Variants in SOX30 observed in about 807,000 individuals in gnomAD.
The protein encoded by SOX30 is SRY-box transcription factor 30.
Under a neutral mutation model 58.6 loss-of-function variants are expected in SOX30, and 17 were observed. The observed-to-expected ratio is 0.29, with a 90% CI of 0.20 to 0.44. SOX30 has a LOEUF of 0.44. Among genes scored for constraint, SOX30 ranks in the 20% least tolerant of loss-of-function variants. The probability of loss-of-function intolerance (pLI) is 1.00; values close to 1 mark genes in which losing one functional copy is unlikely to be tolerated. For synonymous variants in SOX30, 421 were observed against 400.2 expected (o/e 1.05, Z -0.62); for missense variants, 951 against 965.8 (o/e 0.98, Z 0.20).
At position 157,638,517 on chromosome 5, in the gene SOX30, A is replaced by G; in HGVS notation, c.1593T>C (p.Thr531=). The G allele has an allele frequency of 6.2e-7, 1 of 1,614,202 alleles. No homozygotes were observed. The highest frequency in any genetic ancestry group is 8.5e-7 in the Non-Finnish European group (1 of 1,180,030). ...THQLHSEATH[T]VKQPTPVSLE... The stretch of plus-strand genomic sequence containing the variant: ...GAGAGACAGGAGTGGGTTGCTTCAC[A>G]GTGTGAGTGGCTTCAGAATGCAGCT... Residue 531 remains threonine, a synonymous_variant, in exon 4 of 5, where the codon ACT becomes ACC. Coordinates refer to ENST00000265007, the MANE Select transcript of SOX30 (RefSeq NM_178424.2).
At chr5:157,629,109 A>G (rs1368330244) in intron 4 of SOX30, among the ~76,000 whole-genome samples, 8 of 152,218 alleles carry the variant, frequency 5.3e-5, no homozygotes, top group Non-Finnish European at 5.9e-5. Context: ...GGGTGCCTAT[A>G]GTTAGCAACA....
At chr5:157,671,378 G>C in exon 1 of SOX30, 1 of 539,810 alleles carries the variant, frequency 1.9e-6, no homozygotes, top group Admixed American at 3.7e-5. Flanking sequence ...AACGCGCCGG[G>C]TCTCACCACG....
intron 4 of SOX30, among the ~76,000 whole-genome samples, chr5:157,637,057 C>G (rs1416411789): frequency 6.9e-6 from 1 of 144,880 alleles, no homozygotes; most frequent in East Asian, 2.1e-4. Flanking sequence ...CGCTTGAACC[C>G]GGGAGGCGGA....
At position 157,652,190 on chromosome 5, in the gene SOX30, C is replaced by G; in HGVS notation, c.-112G>C. The G allele has an allele frequency of 3.7e-6, 5 of 1,335,164 alleles. No individual in the cohort carries two copies. The highest frequency in any genetic ancestry group is 4.8e-6 in the Non-Finnish European group (5 of 1,050,840). The allele number at this position is 1,335,164 out of a possible 1,614,324, so 82.7% of individuals were successfully genotyped here. Reference sequence around the variant, plus strand: ...AAGGCCTTTGCTACCCAGAACCCTACGCGGTTCAAAACGCAGCTGTCTGTC... The same window carrying G: ...AAGGCCTTTGCTACCCAGAACCCTAGGCGGTTCAAAACGCAGCTGTCTGTC... On this transcript the variant is annotated 5_prime_UTR_variant, in exon 1 of 5. Coordinates refer to ENST00000265007, the MANE Select transcript of SOX30 (RefSeq NM_178424.2).
At chr5:157,646,463 G>T (rs1759196248) in intron 3 of SOX30, among the ~76,000 whole-genome samples, 174 bp downstream of exon 3, 1 of 152,132 alleles carries the variant, frequency 6.6e-6, no homozygotes, top group Non-Finnish European at 1.5e-5. Context: ...CAAGTGTTTT[G>T]ATCTCTACTG....
At chr5:157,649,818 A>G (rs1759284971) in intron 1 of SOX30, among the ~76,000 whole-genome samples, 1 of 152,202 alleles carries the variant, frequency 6.6e-6, no homozygotes, top group Non-Finnish European at 1.5e-5. Flanking sequence ...AAGTCACAGA[A>G]GGCAGGTAAA....
chr5:157,627,084 T>G (rs1049993838), intron 4 of SOX30, among the ~76,000 whole-genome samples: 1 of 152,140 alleles, frequency 6.6e-6, no homozygotes, highest in Non-Finnish European at 1.5e-5. Flanking sequence ...CACTCAGTGG[T>G]TGGGCGCGGT....
intron 4 of SOX30, among the ~76,000 whole-genome samples, chr5:157,632,606 A>G (rs1758839714): frequency 6.6e-6 from 1 of 152,274 alleles, no homozygotes; most frequent in African/African-American, 2.4e-5. Flanking sequence ...GCGAAACTCC[A>G]TCTCAAAAAG....
chr5:157,670,762 A>G (rs911700038), intron 1 of SOX30, among the ~76,000 whole-genome samples: 1 of 152,192 alleles, frequency 6.6e-6, no homozygotes, highest in Non-Finnish European at 1.5e-5. Context: ...TCTAGAGTTA[A>G]TATTTCCATT....
upstream of SOX30, among the ~76,000 whole-genome samples, chr5:157,654,468 C>T (rs543036801): frequency 5.9e-5 from 9 of 152,312 alleles, no homozygotes; most frequent in South Asian, 1.7e-3. Flanking sequence ...TTGAGAACCA[C>T]TGTACTAGGG....
At position 157,652,108 on chromosome 5, in the gene SOX30, T is replaced by A. The variant is rs1759370082; in HGVS notation, c.-30A>T. ...GAGGGGGACGCCCCGGCCAGGATTG[T>A]GAGCTCAGCCGTTTGTTGGCGACCT... On this transcript the variant is annotated 5_prime_UTR_variant, in exon 1 of 5. Coordinates refer to ENST00000265007, the MANE Select transcript of SOX30 (RefSeq NM_178424.2). The A allele has an allele frequency of 1.4e-6, 2 of 1,389,876 alleles. No individual in the cohort carries two copies. The highest frequency in any genetic ancestry group is 1.7e-5 in the South Asian group (1 of 60,296). 86.1% of individuals were successfully genotyped at this position (1,389,876 alleles called of 1,614,324 possible).
intron 4 of SOX30, among the ~76,000 whole-genome samples, chr5:157,630,910 TATA>T (rs1172704099): frequency 1.9e-3 from 262 of 134,902 alleles, no homozygotes; most frequent in Non-Finnish European, 9.5e-4. Flanking sequence ...ATAAAAAATA[TATA>T]ATATCTATAT....
intron 4 of SOX30, among the ~76,000 whole-genome samples, chr5:157,637,492 T>C (rs62387665): frequency 0.092 from 13,989 of 152,208 alleles, 821 homozygotes; most frequent in South Asian, 0.13. Flanking sequence ...ATATCAGGCG[T>C]ACTATACTCC....
intron 4 of SOX30, among the ~76,000 whole-genome samples, chr5:157,627,167 T>C (rs1758677169): frequency 6.6e-6 from 1 of 152,070 alleles, no homozygotes; most frequent in South Asian, 2.1e-4. Context: ...ATAGAGATCA[T>C]CCTGGCCAAC....
At chr5:157,657,518 T>C (rs180865806) in intron 2 of SOX30, among the ~76,000 whole-genome samples, 1 of 152,320 alleles carries the variant, frequency 6.6e-6, no homozygotes, top group Admixed American at 6.5e-5. Context: ...TTCAGAATAC[T>C]CATGGAGAGC....
chr5:157,646,525 T>A, intron 3 of SOX30, 112 bp downstream of exon 3: 2 of 790,378 alleles, frequency 2.5e-6, no homozygotes, highest in Non-Finnish European at 4.0e-6. Context: ...TCTTTTTTTC[T>A]TAACATTGTT....
At chr5:157,635,363 C>T (rs559968222) in intron 4 of SOX30, among the ~76,000 whole-genome samples, 56 of 152,112 alleles carry the variant, frequency 3.7e-4, no homozygotes, top group Admixed American at 5.2e-4. Context: ...GTGGCTCATG[C>T]CTATAATCCC....
chr5:157,642,537 T>C (rs1470491358), intron 3 of SOX30, among the ~76,000 whole-genome samples: 3 of 151,774 alleles, frequency 2.0e-5, no homozygotes, highest in African/African-American at 7.3e-5. Context: ...GAGATTAAAA[T>C]AAAAAGTTCA....
upstream of SOX30, among the ~76,000 whole-genome samples, chr5:157,654,399 T>C (rs1759428428): frequency 6.6e-6 from 1 of 152,218 alleles, no homozygotes; most frequent in Non-Finnish European, 1.5e-5. Context: ...ACATTAGGAT[T>C]ATTATGAAAA....
Sources: gnomAD v4.1 joint callset for allele counts (sites outside exome capture counted in the v4.1 genomes callset) on GRCh38, gnomAD v4.1.1 for gene constraint, MANE v1.5 for transcripts, NCBI Gene and HGNC (gene_info 2026-07-23, HGNC 2026-07-21) for gene names.